The following ARHGAP42 variants were observed in gnomAD, a reference collection of about 807,000 sequenced individuals.
ARHGAP42 encodes rho GTPase-activating protein 42.
A neutral mutation model predicts 125.0 loss-of-function variants in ARHGAP42; 63 were observed. The observed-to-expected ratio is 0.50, with a 90% CI of 0.41 to 0.62. The LOEUF is 0.62. Among genes scored for constraint, ARHGAP42 ranks in the 20% least tolerant of loss-of-function variants. The pLI is 0.00. For synonymous variants in ARHGAP42, 339 were observed against 351.0 expected (o/e 0.97, Z 0.38); for missense variants, 766 against 1,024.2 (o/e 0.75, Z 3.44).
At chr11:100,735,602 C>CTTTTTT (rs58522622) in intron 1 of ARHGAP42, among the ~76,000 whole-genome samples, 50 of 73,038 alleles carry the variant, frequency 6.8e-4, no homozygotes, top group Non-Finnish European at 7.4e-4. Flanking sequence ...TTTACTTGTA[C>CTTTTTT]TTTTTTTTTT....
intron 19 of ARHGAP42, among the ~76,000 whole-genome samples, chr11:100,975,630 GA>G (rs1412274060): frequency 1.3e-5 from 2 of 152,156 alleles, no homozygotes; most frequent in Non-Finnish European, 2.9e-5. Flanking sequence ...CCTATGATCA[GA>G]AAAGTAAAAG....
intron 1 of ARHGAP42, among the ~76,000 whole-genome samples, chr11:100,761,571 G>A (rs1254592720): frequency 1.3e-5 from 2 of 152,272 alleles, no homozygotes; most frequent in African/African-American, 2.4e-5. Context: ...ATCTGGCCAA[G>A]TGTTGGTTCC....
chr11:100,962,280 A>G (rs1420400623), intron 15 of ARHGAP42, 129 bp from the exon 16 acceptor site: 2 of 748,814 alleles, frequency 2.7e-6, no homozygotes, highest in Admixed American at 2.9e-5. Flanking sequence ...TCTTTTATTT[A>G]CTTATTTATG....
At chr11:100,756,147 A>T (rs1862571812) in intron 1 of ARHGAP42, among the ~76,000 whole-genome samples, 1 of 137,108 alleles carries the variant, frequency 7.3e-6, no homozygotes, top group South Asian at 2.4e-4. Flanking sequence ...GCACTTTGGG[A>T]GGCTAAGACA....
At chr11:100,919,019 G>A (rs1324180220) in intron 5 of ARHGAP42, among the ~76,000 whole-genome samples, 1 of 152,140 alleles carries the variant, frequency 6.6e-6, no homozygotes, top group East Asian at 1.9e-4. Context: ...TCGTGGCTAT[G>A]ATTTATTACA....
At chr11:100,890,557 G>A (rs779931034) in intron 4 of ARHGAP42, among the ~76,000 whole-genome samples, 13 of 152,124 alleles carry the variant, frequency 8.5e-5, no homozygotes, top group Non-Finnish European at 1.3e-4. Context: ...GTGAAATCAG[G>A]ATTTGGAATC....
chr11:100,735,669 C>T (rs1238300866), intron 1 of ARHGAP42, among the ~76,000 whole-genome samples: 3 of 122,332 alleles, frequency 2.5e-5, no homozygotes, highest in East Asian at 5.0e-4. Context: ...AGTGCAATGG[C>T]GTGATCTAGG....
At chr11:100,919,830 T>G (rs1434075034) in intron 5 of ARHGAP42, among the ~76,000 whole-genome samples, 4 of 152,182 alleles carry the variant, frequency 2.6e-5, no homozygotes. Context: ...CAGAGAGCCC[T>G]TTTCCTGCGT....
At chr11:100,893,158 G>GGTGTGTGTGTGTGTGTGTGT (rs142725608) in intron 4 of ARHGAP42, among the ~76,000 whole-genome samples, 5 of 147,090 alleles carry the variant, frequency 3.4e-5, no homozygotes, top group Admixed American at 1.4e-4. Flanking sequence ...AACATTTAGG[G>GGTGTGTGTGTGTGTGTGTGT]GTGTGTGTGT....
chr11:100,785,559 T>C (rs1430545041), intron 2 of ARHGAP42, among the ~76,000 whole-genome samples: 2 of 152,014 alleles, frequency 1.3e-5, no homozygotes, highest in African/African-American at 4.8e-5. Context: ...AGGAAGTGGA[T>C]GTTGAGGCTT....
rs747192962 is a variant in ARHGAP42, at chr11:100,993,100, A to G, written c.*4299A>G. 1.2e-4 allele frequency: 22 copies of G among 178,664 alleles called. No individual in the cohort carries two copies. Among genetic ancestry groups the G allele is most frequent in the Non-Finnish European group, 2.7e-4 (20 of 75,378 alleles). The allele number at this position is 178,664 out of a possible 1,614,324, so 11.1% of individuals were successfully genotyped here. On this transcript the variant is annotated 3_prime_UTR_variant, in exon 24 of 24. Transcript: ENST00000298815. ...GGGAAACTTAAGTGTTGGAGGAGGC[A>G]GGGGCTGAAGGTGTCAAAACCTCCT...
chr11:100,992,109 GT>G lies in ARHGAP42; in HGVS notation c.*3311del. On this transcript the variant is annotated 3_prime_UTR_variant, in exon 24 of 24. Coordinates refer to ENST00000298815, the MANE Select transcript of ARHGAP42 (RefSeq NM_152432.4). Reference sequence around the variant, plus strand: ...AAAGGGTATCATTCATGTGGTTTCAGTTTAGAAGAGTCCCTCAGAGCTTTGC... The same window carrying G: ...AAAGGGTATCATTCATGTGGTTTCAGTTAGAAGAGTCCCTCAGAGCTTTGC... 1.7e-6 allele frequency: 1 copy of G among 586,088 alleles called. No individual in the cohort carries two copies. The highest frequency in any genetic ancestry group is 3.4e-5 in the Admixed American group (1 of 29,384). 36.3% of individuals were successfully genotyped at this position (586,088 alleles called of 1,614,324 possible). A position where few individuals can be genotyped will look rare whatever the true frequency, so the allele number is the denominator to read the frequency against.
At chr11:100,846,525 C>A (rs938703177) in intron 3 of ARHGAP42, among the ~76,000 whole-genome samples, 1 of 152,158 alleles carries the variant, frequency 6.6e-6, no homozygotes, top group Non-Finnish European at 1.5e-5. Flanking sequence ...CCCCCACTTC[C>A]AACCAATAAG....
intron 3 of ARHGAP42, among the ~76,000 whole-genome samples, chr11:100,843,269 A>C (rs1163755278): frequency 4.6e-5 from 7 of 152,070 alleles, no homozygotes; most frequent in Admixed American, 4.6e-4. Context: ...AAATCAGGAA[A>C]AGTTAGATAC....
chr11:100,868,195 G>T (rs920198822), intron 4 of ARHGAP42, among the ~76,000 whole-genome samples: 1 of 152,084 alleles, frequency 6.6e-6, no homozygotes, highest in Admixed American at 6.6e-5. Flanking sequence ...TTCCAGACAC[G>T]TGGGTGCCTC....
chr11:100,706,560 T>C (rs1454830874), intron 1 of ARHGAP42, among the ~76,000 whole-genome samples: 2 of 152,210 alleles, frequency 1.3e-5, no homozygotes, highest in African/African-American at 4.8e-5. Flanking sequence ...ATTAAATAAT[T>C]AATTTTCTCT....
intron 6 of ARHGAP42, among the ~76,000 whole-genome samples, chr11:100,923,272 C>T (rs1226909026): frequency 6.6e-6 from 1 of 152,194 alleles, no homozygotes; most frequent in Admixed American, 6.5e-5. Flanking sequence ...AATTTCAGCT[C>T]TTCTTGACAC....
At chr11:100,905,032 G>A (rs781174130) in intron 4 of ARHGAP42, among the ~76,000 whole-genome samples, 26 of 152,146 alleles carry the variant, frequency 1.7e-4, no homozygotes, top group Non-Finnish European at 2.9e-4. Context: ...TGTGAGCCAG[G>A]TGTCAGCATA....
At chr11:100,884,289 G>T (rs1003874048) in intron 4 of ARHGAP42, among the ~76,000 whole-genome samples, 4 of 152,076 alleles carry the variant, frequency 2.6e-5, no homozygotes, top group African/African-American at 9.7e-5. Flanking sequence ...TATTTTAAAA[G>T]CAATAAAGTA....
Sources: allele counts gnomAD v4.1 joint callset (sites outside exome capture counted in the v4.1 genomes callset), GRCh38; gene constraint gnomAD v4.1.1; transcripts MANE v1.5; gene names NCBI Gene and HGNC (gene_info 2026-07-23, HGNC 2026-07-21).